The following ACSM2A variants were observed in gnomAD, a reference collection of about 807,000 sequenced individuals.
ACSM2A encodes the protein acyl-CoA synthetase medium chain family member 2A, also known as acyl-coenzyme A synthetase ACSM2A, mitochondrial.
A neutral mutation model predicts 76.6 loss-of-function variants in ACSM2A; 72 were observed. The observed-to-expected ratio is 0.94, with a 90% CI of 0.78 to 1.14. The LOEUF is 1.14. Among genes scored for constraint, ACSM2A ranks in the 50% most tolerant of loss-of-function variants. The probability of loss-of-function intolerance (pLI) is 0.00; values close to 1 mark genes in which losing one functional copy is unlikely to be tolerated. For missense variants in ACSM2A, 684 were observed against 708.5 expected, an observed-to-expected ratio of 0.97 and a Z score of 0.39; for synonymous variants, 249 against 255.9, an observed-to-expected ratio of 0.97 and a Z score of 0.26.
chr16:20,464,627 G>T (rs2012857928), intron 2 of ACSM2A, among the ~76,000 whole-genome samples: 1 of 152,062 alleles, frequency 6.6e-6, no homozygotes, highest in African/African-American at 2.4e-5. Flanking sequence ...CCACCCCCAT[G>T]ATCCAATCAC....
chr16:20,469,399 T>G (rs1251825323), intron 3 of ACSM2A, 113 bp from the exon 4 acceptor site: 1 of 1,528,060 alleles, frequency 6.5e-7, no homozygotes, highest in African/African-American at 1.4e-5. Flanking sequence ...TATTGGTCAT[T>G]ACTTCCTCAT....
At position 20,476,720 on chromosome 16, in the gene ACSM2A, G is replaced by T. The variant is rs547907713; in HGVS notation, c.1099-649G>T. 1.0e-4 allele frequency: 103 copies of T among 1,011,410 alleles called. 1 individual carries two copies. The South Asian group carries it at 3.9e-3, about 39-fold the overall frequency. 62.7% of individuals were successfully genotyped at this position (1,011,410 alleles called of 1,614,324 possible). A position where few individuals can be genotyped will look rare whatever the true frequency, so the allele number is the denominator to read the frequency against. On this transcript the variant is annotated intron_variant, in intron 8 of 13. Transcript: ENST00000573854. ...GTGGCGGGAAAAGATGGGTCATTGT[G>T]ATATCTTTTGTCCAGGCTAGATCTG...
intron 3 of ACSM2A, among the ~76,000 whole-genome samples, chr16:20,467,254 G>C (rs1048864399): frequency 8.5e-5 from 13 of 152,206 alleles, no homozygotes; most frequent in African/African-American, 3.1e-4. Context: ...GTGGCCAGGT[G>C]CTAAACTGGC....
intron 1 of ACSM2A, among the ~76,000 whole-genome samples, chr16:20,456,601 G>C (rs1209648595): frequency 1.3e-5 from 2 of 151,276 alleles, no homozygotes; most frequent in African/African-American, 2.4e-5. Context: ...TTCTCACACT[G>C]AAGGATAATA....
intron 4 of ACSM2A, among the ~76,000 whole-genome samples, chr16:20,470,603 A>G (rs1310848880): frequency 2.0e-5 from 3 of 152,232 alleles, no homozygotes; most frequent in Non-Finnish European, 4.4e-5. Context: ...GGAGATGTCC[A>G]AGAGATATGT....
intron 4 of ACSM2A, chr16:20,470,704 A>G (rs1596658765): frequency 2.3e-6 from 1 of 441,050 alleles, no homozygotes; most frequent in Non-Finnish European, 4.5e-6. Context: ...GTGTCATGCC[A>G]GAGCTCTTCA....
chr16:20,475,248 G>C lies in ACSM2A; in HGVS notation c.895-114G>C, dbSNP rs547288136. 4.4e-6 allele frequency: 7 copies of C among 1,575,788 alleles called. No homozygotes were observed. In the South Asian group the frequency reaches 8.1e-5, roughly 18 times the overall value. On this transcript the variant is annotated intron_variant, in intron 6 of 13. Coordinates refer to ENST00000573854, the MANE Select transcript of ACSM2A (RefSeq NM_001308172.2). ...TGAATCAGACATAGTAAACAAGCTA[G>C]GGTTTTCATCCAGACCTCTACAACT...
chr16:20,487,176 A>G lies in ACSM2A; in HGVS notation c.*498A>G, dbSNP rs1409864652. 1.3e-5 allele frequency: 2 copies of G among 151,998 alleles called. No homozygotes were observed. Among genetic ancestry groups the G allele is most frequent in the African/African-American group, 4.8e-5 (2 of 41,388 alleles). The allele number at this position is 151,998 out of a possible 1,614,324, so 9.4% of individuals were successfully genotyped here. ...AAAGAGAGGGAGAAAGGGAGAGAAA[A>G]AAATTGTAAAAATAAAAATAGTAAA... On this transcript the variant is annotated 3_prime_UTR_variant, in exon 14 of 14. Coordinates refer to ENST00000573854, the MANE Select transcript of ACSM2A (RefSeq NM_001308172.2).
rs757638311 is a variant in ACSM2A, at chr16:20,469,474, T to C, written c.389-38T>C. On this transcript the variant is annotated intron_variant, in intron 3 of 13. Coordinates refer to ENST00000573854, the MANE Select transcript of ACSM2A (RefSeq NM_001308172.2). ...CAGGCTTCTCTAGGGACAAAGAAAA[T>C]CATCCTTTCCAATTCTCTAAATTGT... 179 of 1,610,204 alleles carry C rather than the reference T, an allele frequency of 1.1e-4. 2 individuals are homozygous for C. The South Asian group carries it at 1.3e-3, about 11-fold the overall frequency.
At chr16:20,479,739 A>G (rs1596674817) in intron 10 of ACSM2A, among the ~76,000 whole-genome samples, 1 of 152,192 alleles carries the variant, frequency 6.6e-6, no homozygotes, top group East Asian at 1.9e-4. Context: ...CATTTGACAG[A>G]AAAGGAAACA....
chr16:20,477,582 G>A, intron 9 of ACSM2A, 133 bp downstream of exon 9: 2 of 1,439,954 alleles, frequency 1.4e-6, no homozygotes, highest in Non-Finnish European at 1.8e-6. Context: ...AAAAAAGGAG[G>A]TAGGGAGGTT....
At chr16:20,478,166 A>G (rs548874993) in intron 9 of ACSM2A, among the ~76,000 whole-genome samples, 1 of 152,222 alleles carries the variant, frequency 6.6e-6, no homozygotes, top group African/African-American at 2.4e-5. Flanking sequence ...AGCTGTCAGT[A>G]TCTGTTTTAT....
Position 20,465,696 on chromosome 16 carries a change from G to T in ACSM2A, c.357G>T (p.Trp119Cys), listed in dbSNP as rs780078331. Reference sequence around the variant, plus strand: ...TGGTGCTGCCCCGAGTGCCTGAGTGGTGGCTGGTGATCCTGGGCTGCATTC... The same window carrying T: ...TGGTGCTGCCCCGAGTGCCTGAGTGTTGGCTGGTGATCCTGGGCTGCATTC... ...VAVVLPRVPE[W>C]WLVILGCIRA... The change falls in exon 3 of 14, where the codon TGG becomes TGT. Residue 119 changes from tryptophan to cysteine, a missense_variant. This residue lies in a region of ACSM2A where 519 missense variants were observed against 549.5 expected (regional missense o/e 0.94). Transcript: ENST00000573854. 6.2e-7 allele frequency: 1 copy of T among 1,613,862 alleles called. No individual in the cohort carries two copies. The highest frequency in any genetic ancestry group is 8.5e-7 in the Non-Finnish European group (1 of 1,179,860).
chr16:20,456,632 T>C (rs1237961287), intron 1 of ACSM2A, among the ~76,000 whole-genome samples: 1 of 149,822 alleles, frequency 6.7e-6, no homozygotes, highest in Non-Finnish European at 1.5e-5. Context: ...CTATCAAAAC[T>C]TCTAGGATAC....
chr16:20,466,693 A>AACTAG (rs2013019484), intron 3 of ACSM2A, among the ~76,000 whole-genome samples: 1 of 152,224 alleles, frequency 6.6e-6, no homozygotes, highest in Non-Finnish European at 1.5e-5. Context: ...GAGATCACAG[A>AACTAG]ACTAGTTGAG....
chr16:20,486,248 G>C (rs1023515944), intron 13 of ACSM2A, among the ~76,000 whole-genome samples: 5 of 152,242 alleles, frequency 3.3e-5, no homozygotes, highest in Admixed American at 2.6e-4. Context: ...CCAAGGACCT[G>C]GCTAAAGCCA....
At chr16:20,458,910 A>ATATATG (rs2012408189) in intron 1 of ACSM2A, among the ~76,000 whole-genome samples, 1 of 56,044 alleles carries the variant, frequency 1.8e-5, no homozygotes. Flanking sequence ...ATATGCATAT[A>ATATATG]TATATATATA....
At chr16:20,469,882 T>C (rs200282589) in intron 4 of ACSM2A, among the ~76,000 whole-genome samples, 163 bp downstream of exon 4, 3 of 138,612 alleles carry the variant, frequency 2.2e-5, no homozygotes, top group African/African-American at 3.1e-5. Flanking sequence ...ATTTTTTTTT[T>C]TTTTTTTTTT....
chr16:20,458,907 T>TATATATATATATATATATATATGC (rs1567356801), intron 1 of ACSM2A, among the ~76,000 whole-genome samples: 11 of 36,540 alleles, frequency 3.0e-4, no homozygotes, highest in African/African-American at 1.4e-3. Flanking sequence ...TATATATGCA[T>TATATATATATATATATATATATGC]ATATATATAT....
Sources: gnomAD v4.1 joint callset for allele counts (sites outside exome capture counted in the v4.1 genomes callset) on GRCh38, gnomAD v4.1.1 for gene constraint, gnomAD v4.1.1 regional missense constraint, MANE v1.5 for transcripts, NCBI Gene and HGNC (gene_info 2026-07-23, HGNC 2026-07-21) for gene names.